SPOCK1: variants seen among roughly 807,000 people sequenced by gnomAD.
The protein encoded by SPOCK1 is SPARC (osteonectin), cwcv and kazal like domains proteoglycan 1.
Under a neutral mutation model 55.3 loss-of-function variants are expected in SPOCK1, and 23 were observed. That is an observed-to-expected ratio of 0.42 (90% confidence interval 0.30 to 0.59). The LOEUF (loss-of-function observed/expected upper bound fraction) is 0.59, where lower values mean the gene tolerates loss of function less well. Among genes scored for constraint, SPOCK1 ranks in the 20% least tolerant of loss-of-function variants. The pLI is 0.22. For synonymous variants in SPOCK1, 226 were observed against 221.0 expected, an observed-to-expected ratio of 1.02 and a Z score of -0.20; for missense variants, 499 against 552.5, an observed-to-expected ratio of 0.90 and a Z score of 0.97.
intron 2 of SPOCK1, among the ~76,000 whole-genome samples, chr5:137,359,931 G>T (rs1017895904): frequency 6.6e-6 from 1 of 152,154 alleles, no homozygotes; most frequent in Non-Finnish European, 1.5e-5. Context: ...AGAGACCCTC[G>T]TGGTGACAAA....
In SPOCK1 at chr5:137,380,288, T is replaced by C. The variant is rs537549534; in HGVS notation, c.187-113233A>G. On this transcript the variant is annotated intron_variant, in intron 2 of 10. Coordinates refer to ENST00000394945, the MANE Select transcript of SPOCK1 (RefSeq NM_004598.4). ...GAATGCAATGCAACAGAAAACTCAT[T>C]AATGCAATTGCTTTATTGGTGTAGT... 3.3e-5 allele frequency among the ~76,000 whole-genome samples: 5 copies of C among 152,340 alleles called. No individual in the cohort carries two copies. In the South Asian group the frequency reaches 8.3e-4, roughly 25 times the overall value.
At chr5:137,082,722 C>A (rs937806111) in intron 5 of SPOCK1, among the ~76,000 whole-genome samples, 1 of 152,188 alleles carries the variant, frequency 6.6e-6, no homozygotes, top group Admixed American at 6.5e-5. Context: ...AGAGTCTGAG[C>A]TGGGCCTCGG....
intron 2 of SPOCK1, among the ~76,000 whole-genome samples, chr5:137,492,116 C>T (rs1754193784): frequency 6.6e-6 from 1 of 152,156 alleles, no homozygotes; most frequent in Non-Finnish European, 1.5e-5. Flanking sequence ...TTCTACCATC[C>T]ATCAACAGTG....
intron 2 of SPOCK1, among the ~76,000 whole-genome samples, chr5:137,267,304 G>C (rs1756877056): frequency 6.6e-6 from 1 of 152,194 alleles, no homozygotes; most frequent in African/African-American, 2.4e-5. Flanking sequence ...TATAGAAACA[G>C]CGCTGCTCTT....
chr5:137,453,479 T>C (rs1041183181), intron 2 of SPOCK1, among the ~76,000 whole-genome samples: 1 of 152,078 alleles, frequency 6.6e-6, no homozygotes, highest in Non-Finnish European at 1.5e-5. Context: ...GGGCCCAAAA[T>C]ATCAAGGCAC....
At chr5:136,989,400 A>G (rs1222308822) in intron 7 of SPOCK1, among the ~76,000 whole-genome samples, 2 of 152,220 alleles carry the variant, frequency 1.3e-5, no homozygotes, top group African/African-American at 4.8e-5. Context: ...TTAAAACTCA[A>G]CTTTTTTCAG....
At chr5:136,999,738 C>G (rs951022275) in intron 6 of SPOCK1, among the ~76,000 whole-genome samples, 5 of 152,272 alleles carry the variant, frequency 3.3e-5, no homozygotes, top group Admixed American at 1.3e-4. Context: ...TATAGTGTTA[C>G]TATCTAATAG....
At position 136,977,361 on chromosome 5, in the gene SPOCK1, C is replaced by T. The variant is rs577886139; in HGVS notation, c.*1293G>A. 1 of 152,970 alleles carries T rather than the reference C, an allele frequency of 6.5e-6. No homozygotes were observed. The highest frequency in any genetic ancestry group is 6.5e-5 in the Admixed American group (1 of 15,270). The allele number at this position is 152,970 out of a possible 1,614,324, so 9.5% of individuals were successfully genotyped here. On this transcript the variant is annotated 3_prime_UTR_variant, in exon 11 of 11. Transcript: ENST00000394945. ...GGGACAGAATTTGCTCTTAAAAACC[C>T]AGGGTTTGCTTCCATGTGTTATTAC...
In SPOCK1 at chr5:137,314,397, G is replaced by A. The variant is rs144451370; in HGVS notation, c.187-47342C>T. 2.8e-3 allele frequency among the ~76,000 whole-genome samples: 424 copies of A among 152,218 alleles called. 2 individuals carry two copies. The highest frequency in any genetic ancestry group is 9.1e-3 in the African/African-American group (379 of 41,538). ...CACCAGCTTCTGTGGGCTTGATTTAGAAGTGACACATGATTCCACAGAAGG... is the reference window on the plus strand; with the variant it reads ...CACCAGCTTCTGTGGGCTTGATTTAAAAGTGACACATGATTCCACAGAAGG... On this transcript the variant is annotated intron_variant, in intron 2 of 10. Coordinates refer to ENST00000394945, the MANE Select transcript of SPOCK1 (RefSeq NM_004598.4).
At chr5:137,034,787 T>C (rs1278818998) in intron 6 of SPOCK1, among the ~76,000 whole-genome samples, 1 of 152,084 alleles carries the variant, frequency 6.6e-6, no homozygotes, top group African/African-American at 2.4e-5. Flanking sequence ...AGATCCACAG[T>C]TGAGAAAGGG....
At chr5:137,356,313 C>T (rs984333724) in intron 2 of SPOCK1, among the ~76,000 whole-genome samples, 1 of 152,160 alleles carries the variant, frequency 6.6e-6, no homozygotes, top group Non-Finnish European at 1.5e-5. Context: ...CTGCATAATG[C>T]ATAAGAGATC....
chr5:137,132,874 G>A (rs1305632613), intron 4 of SPOCK1, among the ~76,000 whole-genome samples: 1 of 152,134 alleles, frequency 6.6e-6, no homozygotes, highest in Non-Finnish European at 1.5e-5. Context: ...AGAGGCTCTG[G>A]TTCTTGAGGG....
chr5:137,058,368 C>T (rs1752337701), intron 6 of SPOCK1, among the ~76,000 whole-genome samples: 1 of 152,168 alleles, frequency 6.6e-6, no homozygotes, highest in African/African-American at 2.4e-5. Context: ...CATTATTTGG[C>T]TGTTAGGGGG....
chr5:137,098,273 G>T (rs550805575), intron 5 of SPOCK1, among the ~76,000 whole-genome samples: 9 of 152,294 alleles, frequency 5.9e-5, no homozygotes, highest in African/African-American at 2.2e-4. Context: ...TCTTAACTCG[G>T]ACACTGCTGC....
intron 3 of SPOCK1, among the ~76,000 whole-genome samples, chr5:137,251,836 T>C (rs991749182): frequency 1.2e-4 from 18 of 152,254 alleles, no homozygotes; most frequent in Admixed American, 8.5e-4. Flanking sequence ...AATTTGGTAC[T>C]GATTCAGGTA....
intron 2 of SPOCK1, among the ~76,000 whole-genome samples, chr5:137,286,809 T>G (rs551914706): frequency 3.5e-4 from 53 of 152,250 alleles, no homozygotes; most frequent in African/African-American, 1.3e-3. Context: ...AGAAGACAAA[T>G]AGACCACTGT....
chr5:137,088,241 G>A (rs1021108957), intron 5 of SPOCK1, among the ~76,000 whole-genome samples: 1 of 152,214 alleles, frequency 6.6e-6, no homozygotes, highest in African/African-American at 2.4e-5. Context: ...ACCTCTCACA[G>A]AATGTGACTG....
chr5:137,130,411 C>A lies in SPOCK1; in HGVS notation c.347+10169G>T, dbSNP rs146214721. ...TGTTGAATAAAGAAATTATCACAAA[C>A]TCCAACTTAGTGGGATCTGAATTAA... On this transcript the variant is annotated intron_variant, in intron 4 of 10. Coordinates refer to ENST00000394945, the MANE Select transcript of SPOCK1 (RefSeq NM_004598.4). Among the ~76,000 whole-genome samples the A allele has an allele frequency of 2.8e-3, 427 of 152,322 alleles. 3 individuals carry two copies. Among genetic ancestry groups the A allele is most frequent in the African/African-American group, 9.6e-3 (400 of 41,562 alleles).
intron 6 of SPOCK1, among the ~76,000 whole-genome samples, chr5:137,067,151 A>G (rs1178136329): frequency 6.6e-6 from 1 of 152,212 alleles, no homozygotes; most frequent in African/African-American, 2.4e-5. Flanking sequence ...TACTTTCTCC[A>G]TCATGAAAAC....
Sources: allele counts gnomAD v4.1 joint callset (sites outside exome capture counted in the v4.1 genomes callset), GRCh38; gene constraint gnomAD v4.1.1; transcripts MANE v1.5; gene names NCBI Gene and HGNC (gene_info 2026-07-23, HGNC 2026-07-21).